The following TUSC3 variants were observed in gnomAD, a reference collection of about 807,000 sequenced individuals.
The protein encoded by TUSC3 is tumor suppressor candidate 3, also known as dolichyl-diphosphooligosaccharide--protein glycosyltransferase subunit TUSC3.
TUSC3 carries 45 observed loss-of-function variants against 44.8 expected under a neutral mutation model. That is an observed-to-expected ratio of 1.00 (90% CI 0.79 to 1.29). The LOEUF (loss-of-function observed/expected upper bound fraction) is 1.29, where lower values mean the gene tolerates loss of function less well. Among genes scored for constraint, TUSC3 ranks in the 50% most tolerant of loss-of-function variants. The pLI, the probability that TUSC3 is intolerant of heterozygous loss-of-function variation, is 0.00. For synonymous variants in TUSC3, 212 were observed against 152.9 expected, an observed-to-expected ratio of 1.39 and a Z score of -2.85; for missense variants, 519 against 437.9, an observed-to-expected ratio of 1.19 and a Z score of -1.65.
At chr8:15,588,933 C>G (rs1803709300) in intron 1 of TUSC3, among the ~76,000 whole-genome samples, 1 of 152,094 alleles carries the variant, frequency 6.6e-6, no homozygotes, top group African/African-American at 2.4e-5. Flanking sequence ...TTTGTACTAG[C>G]ACCATGCTGT....
the TUSC3 span, among the ~76,000 whole-genome samples, chr8:15,823,938 G>A: frequency 6.6e-6 from 1 of 152,212 alleles, no homozygotes; most frequent in African/African-American, 2.4e-5. Context: ...GGAATATGAT[G>A]CCTTTCCTAA....
chr8:15,623,045 T>G, intron 1 of TUSC3, 35 bp from the exon 2 acceptor site: 1 of 1,606,944 alleles, frequency 6.2e-7, no homozygotes, highest in East Asian at 2.2e-5. Context: ...GGACTTTGAC[T>G]CTTTGTAAAT....
intron 6 of TUSC3, among the ~76,000 whole-genome samples, chr8:15,703,095 A>G (rs993763796): frequency 1.3e-5 from 2 of 152,116 alleles, no homozygotes; most frequent in African/African-American, 4.8e-5. Flanking sequence ...TTTCATGTTG[A>G]TTCCCCAAAT....
At chr8:15,598,955 C>G (rs1374306862) in intron 1 of TUSC3, among the ~76,000 whole-genome samples, 2 of 151,600 alleles carry the variant, frequency 1.3e-5, no homozygotes, top group South Asian at 2.1e-4. Flanking sequence ...TTGAGTAGAT[C>G]CCAAGGAATG....
chr8:15,583,066 C>T (rs1000176628), intron 1 of TUSC3, among the ~76,000 whole-genome samples: 1 of 152,076 alleles, frequency 6.6e-6, no homozygotes, highest in South Asian at 2.1e-4. Context: ...ATCAATATGA[C>T]TGGAATACAA....
At chr8:15,804,356 G>A in the TUSC3 span, among the ~76,000 whole-genome samples, 2 of 152,052 alleles carry the variant, frequency 1.3e-5, no homozygotes, top group Non-Finnish European at 2.9e-5. Context: ...GTCAATTTTT[G>A]TTTTATTTAC....
chr8:15,541,538 A>G (rs1801692691), intron 1 of TUSC3, among the ~76,000 whole-genome samples: 2 of 152,208 alleles, frequency 1.3e-5, no homozygotes, highest in African/African-American at 4.8e-5. Context: ...ACAGTGAAAA[A>G]ATACCCTCAT....
chr8:15,773,648 A>G, the TUSC3 span, among the ~76,000 whole-genome samples: 1 of 152,186 alleles, frequency 6.6e-6, no homozygotes, highest in Non-Finnish European at 1.5e-5. Context: ...AAAAGAACCA[A>G]GTTGAAAGAC....
At chr8:15,648,258 T>C (rs1806717177) in intron 2 of TUSC3, among the ~76,000 whole-genome samples, 1 of 152,184 alleles carries the variant, frequency 6.6e-6, no homozygotes, top group African/African-American at 2.4e-5. Flanking sequence ...ATATAAGTGC[T>C]CTCTCTTTTA....
intron 1 of TUSC3, among the ~76,000 whole-genome samples, chr8:15,464,091 G>T (rs1321003200): frequency 6.6e-6 from 1 of 152,164 alleles, no homozygotes; most frequent in Non-Finnish European, 1.5e-5. Flanking sequence ...GCCATAGTGA[G>T]TCTAGTCAAC....
At chr8:15,530,229 G>T (rs1220147173) in intron 2 of TUSC3, among the ~76,000 whole-genome samples, 1 of 151,916 alleles carries the variant, frequency 6.6e-6, no homozygotes. Flanking sequence ...TGATCTGCTT[G>T]CTTCTCTAAA....
At chr8:15,650,892 C>A (rs1337828652) in intron 3 of TUSC3, 78 bp downstream of exon 3, 2 of 1,438,068 alleles carry the variant, frequency 1.4e-6, no homozygotes, top group Non-Finnish European at 9.7e-7. Context: ...CATAAAAATA[C>A]AATTCATTCA....
At chr8:15,815,688 A>G in the TUSC3 span, among the ~76,000 whole-genome samples, 16 of 152,256 alleles carry the variant, frequency 1.1e-4, no homozygotes, top group East Asian at 2.5e-3. Context: ...AGCAATTCCC[A>G]TCTCTTATGG....
intron 6 of TUSC3, among the ~76,000 whole-genome samples, chr8:15,675,138 A>G (rs767064715): frequency 4.3e-4 from 65 of 152,126 alleles, no homozygotes; most frequent in Non-Finnish European, 9.3e-4. Context: ...AAGCTTCTGA[A>G]AGAATGGATT....
chr8:15,816,883 C>A, the TUSC3 span, among the ~76,000 whole-genome samples: 3 of 152,280 alleles, frequency 2.0e-5, no homozygotes, highest in South Asian at 2.1e-4. Flanking sequence ...CTAGCAGAAC[C>A]AGCTCCCCAA....
intron 1 of TUSC3, among the ~76,000 whole-genome samples, chr8:15,465,573 A>G (rs1037448666): frequency 2.0e-5 from 3 of 152,224 alleles, no homozygotes; most frequent in Admixed American, 1.3e-4. Flanking sequence ...ATAAAATGTG[A>G]TCAAAGTTTT....
chr8:15,573,614 G>A (rs1225071948), intron 1 of TUSC3, among the ~76,000 whole-genome samples: 1 of 151,908 alleles, frequency 6.6e-6, no homozygotes, highest in African/African-American at 2.4e-5. Context: ...TCAGTGGGTT[G>A]GTGTCACAGC....
At chr8:15,618,223 G>A (rs1015157222) in intron 1 of TUSC3, among the ~76,000 whole-genome samples, 1 of 152,154 alleles carries the variant, frequency 6.6e-6, no homozygotes, top group Non-Finnish European at 1.5e-5. Context: ...AACACTGCAC[G>A]CTTAGGCTTT....
At chr8:15,428,101 T>A (rs1799828237) in intron 1 of TUSC3, among the ~76,000 whole-genome samples, 1 of 147,076 alleles carries the variant, frequency 6.8e-6, no homozygotes, top group Non-Finnish European at 1.5e-5. Context: ...GTATATCCCC[T>A]AATGCTATCC....
Sources: gnomAD v4.1 joint callset for allele counts (sites outside exome capture counted in the v4.1 genomes callset) on GRCh38, gnomAD v4.1.1 for gene constraint, MANE v1.5 for transcripts, NCBI Gene and HGNC (gene_info 2026-07-23, HGNC 2026-07-21) for gene names.